The following ROBO2 variants were observed in gnomAD, a reference collection of about 807,000 sequenced individuals.
ROBO2 encodes roundabout homolog 2.
A neutral mutation model predicts 160.8 loss-of-function variants in ROBO2; 53 were observed. The ratio of observed to expected loss-of-function variants is 0.33; its 90% CI spans 0.26 to 0.41. The LOEUF is 0.41. Ranked by LOEUF, ROBO2 falls within the 10% of genes least tolerant of loss-of-function variation. ROBO2 has a pLI of 1.00. For missense variants in ROBO2, 1,577 were observed against 1,722.4 expected, an observed-to-expected ratio of 0.92 and a Z score of 1.49; for synonymous variants, 664 against 611.7, an observed-to-expected ratio of 1.09 and a Z score of -1.26.
intron 2 of ROBO2, among the ~76,000 whole-genome samples, chr3:76,011,858 CA>C (rs1358067331): frequency 3.9e-5 from 6 of 152,288 alleles, no homozygotes; most frequent in Admixed American, 3.3e-4. Context: ...TATATGTAGA[CA>C]TTGTGCTCCT....
rs2095181495 is a variant in ROBO2, at chr3:77,632,385, G to A, written c.3761-2485G>A. On this transcript the variant is annotated intron_variant, in intron 23 of 25. Coordinates refer to ENST00000461745, the Ensembl canonical transcript of ROBO2. ...GATGAAACTTCAAGGAAGAAGCATGGACAACTTACTTGCTCATTAGTATAG... is the reference window on the plus strand; with the variant it reads ...GATGAAACTTCAAGGAAGAAGCATGAACAACTTACTTGCTCATTAGTATAG... The A allele has an allele frequency of 3.3e-6, 3 of 916,152 alleles. No homozygotes were observed. The South Asian group carries it at 8.3e-5, about 25-fold the overall frequency. The allele number at this position is 916,152 out of a possible 1,614,324, so 56.8% of individuals were successfully genotyped here. A position where few individuals can be genotyped will look rare whatever the true frequency, so the allele number is the denominator to read the frequency against.
At chr3:77,295,316 A>G (rs905656058) in intron 2 of ROBO2, among the ~76,000 whole-genome samples, 5 of 150,602 alleles carry the variant, frequency 3.3e-5, no homozygotes, top group East Asian at 1.9e-4. Flanking sequence ...TGACGGCTAA[A>G]CGGGTAAGCT....
chr3:76,674,598 T>TCACACA (rs71104613), intron 2 of ROBO2, among the ~76,000 whole-genome samples: 43,469 of 147,904 alleles, frequency 0.29, 6,488 homozygotes, highest in Non-Finnish European at 0.34. Context: ...ACCTCCTAGT[T>TCACACA]CACACACACA....
intron 2 of ROBO2, among the ~76,000 whole-genome samples, chr3:76,885,570 T>C (rs1041377907): frequency 6.6e-6 from 1 of 152,142 alleles, no homozygotes; most frequent in African/African-American, 2.4e-5. Context: ...AAAATACCAA[T>C]GTTCACACAC....
intron 2 of ROBO2, among the ~76,000 whole-genome samples, chr3:77,290,138 A>G (rs1434711588): frequency 2.0e-5 from 3 of 151,912 alleles, no homozygotes; most frequent in African/African-American, 4.8e-5. Context: ...AGTAAAATTG[A>G]TGGTTAAACG....
At chr3:76,363,235 A>C (rs1237149341) in intron 2 of ROBO2, among the ~76,000 whole-genome samples, 3 of 151,980 alleles carry the variant, frequency 2.0e-5, no homozygotes, top group Non-Finnish European at 4.4e-5. Context: ...ACATGCACAC[A>C]CAGAGGGAAT....
chr3:76,451,006 G>A (rs1042239325), intron 2 of ROBO2, among the ~76,000 whole-genome samples: 6 of 152,202 alleles, frequency 3.9e-5, no homozygotes, highest in Admixed American at 6.6e-5. Context: ...CACAGTGGCC[G>A]CAGACGCCTT....
chr3:76,237,729 A>G (rs1243957781), intron 2 of ROBO2, among the ~76,000 whole-genome samples: 3 of 152,222 alleles, frequency 2.0e-5, no homozygotes, highest in African/African-American at 7.2e-5. Context: ...AGAAAGAAAT[A>G]GGAAAAAAAT....
intron 2 of ROBO2, among the ~76,000 whole-genome samples, chr3:76,259,212 G>A (rs561719216): frequency 1.7e-4 from 26 of 152,128 alleles, no homozygotes; most frequent in Admixed American, 8.5e-4. Context: ...AGGAGAGAAA[G>A]TATGACATCA....
At chr3:77,077,136 C>T (rs2068095735) in intron 1 of ROBO2, among the ~76,000 whole-genome samples, 1 of 152,096 alleles carries the variant, frequency 6.6e-6, no homozygotes, top group South Asian at 2.1e-4. Flanking sequence ...GCCTTGAGTA[C>T]TGTGGATAAT....
rs1367044063 is a variant in ROBO2, at chr3:76,622,213, AG to A, written c.110-475799del. ...AAGAAAGGAAGGAAGGAAGGAAGGA[AG>A]GAAGGAAGGAAGGAAGGAAGGAAGA... On this transcript the variant is annotated intron_variant, in intron 2 of 26. Transcript: ENST00000487694. Among the ~76,000 whole-genome samples the A allele has an allele frequency of 9.3e-4, 39 of 41,930 alleles. 1 individual carries two copies. Among genetic ancestry groups the A allele is most frequent in the African/African-American group, 3.9e-3 (36 of 9,260 alleles). 27.5% of individuals were successfully genotyped at this position (41,930 alleles called of 152,430 possible). A position where few individuals can be genotyped will look rare whatever the true frequency, so the allele number is the denominator to read the frequency against.
chr3:77,293,649 A>G (rs1257873847), intron 2 of ROBO2, among the ~76,000 whole-genome samples: 1 of 142,824 alleles, frequency 7.0e-6, no homozygotes, highest in Non-Finnish European at 1.5e-5. Flanking sequence ...CTGAGGCTAG[A>G]TCACCCAGAC....
At chr3:76,100,355 T>A (rs1329209464) in intron 2 of ROBO2, among the ~76,000 whole-genome samples, 1 of 152,198 alleles carries the variant, frequency 6.6e-6, no homozygotes. Context: ...AACCAACCAA[T>A]GTCTATGTGG....
intron 2 of ROBO2, among the ~76,000 whole-genome samples, chr3:77,374,168 T>TTAAA (rs2072267354): frequency 5.6e-5 from 1 of 17,922 alleles, no homozygotes; most frequent in African/African-American, 4.1e-4. Context: ...CGAGACTCCA[T>TTAAA]CAAAAAAAAA....
chr3:76,104,713 T>C (rs1267343258), intron 2 of ROBO2, among the ~76,000 whole-genome samples: 1 of 152,162 alleles, frequency 6.6e-6, no homozygotes, highest in Non-Finnish European at 1.5e-5. Context: ...GACATCTCTT[T>C]AAATTTCCTT....
chr3:76,142,342 G>T (rs774052331), intron 2 of ROBO2, among the ~76,000 whole-genome samples: 1 of 152,000 alleles, frequency 6.6e-6, no homozygotes, highest in African/African-American at 2.4e-5. Context: ...AAGGAAATCA[G>T]TTTATGGAAG....
chr3:76,264,514 T>C (rs189177870), intron 2 of ROBO2, among the ~76,000 whole-genome samples: 1 of 152,238 alleles, frequency 6.6e-6, no homozygotes, highest in East Asian at 1.9e-4. Flanking sequence ...AATTATGATA[T>C]ATAAGGTTCC....
intron 2 of ROBO2, among the ~76,000 whole-genome samples, chr3:76,020,315 A>T (rs983952057): frequency 1.3e-5 from 2 of 151,584 alleles, no homozygotes; most frequent in African/African-American, 4.8e-5. Context: ...CTTATTTTTT[A>T]TTGAATTTAA....
At chr3:76,157,066 CAG>C (rs1285841198) in intron 2 of ROBO2, among the ~76,000 whole-genome samples, 1 of 152,120 alleles carries the variant, frequency 6.6e-6, no homozygotes, top group East Asian at 1.9e-4. Flanking sequence ...TATTTATGAA[CAG>C]AGAGAATTGA....
Sources: gnomAD v4.1 joint callset for allele counts (sites outside exome capture counted in the v4.1 genomes callset) on GRCh38, gnomAD v4.1.1 for gene constraint, MANE v1.5 for transcripts, NCBI Gene and HGNC (gene_info 2026-07-23, HGNC 2026-07-21) for gene names.